Variants in CACNA1H observed in about 807,000 individuals in gnomAD.
The protein encoded by CACNA1H is calcium voltage-gated channel subunit alpha1 H.
In CACNA1H, 149 loss-of-function variants were observed where a neutral mutation model predicts 192.5. That is an observed-to-expected ratio of 0.77 (90% confidence interval 0.68 to 0.89). The LOEUF is 0.89. Ranked by LOEUF, CACNA1H falls within the 40% of genes least tolerant of loss-of-function variation. CACNA1H has a pLI of 0.00. For synonymous variants in CACNA1H, 2,202 were observed against 1,475.2 expected, an observed-to-expected ratio of 1.49 and a Z score of -11.29; for missense variants, 4,257 against 3,423.5, an observed-to-expected ratio of 1.24 and a Z score of -6.08.
chr16:1,205,255 G>A lies in CACNA1H; in HGVS notation c.2593G>A (p.Val865Met), dbSNP rs1305844490. The change falls in exon 11 of 35, where the codon GTG becomes ATG. Residue 865 changes from valine to methionine, a missense_variant. Physicochemically the swap from Val to Met is conservative, Grantham distance 21. Coordinates refer to ENST00000348261, the MANE Select transcript of CACNA1H (RefSeq NM_021098.3). ...NPYNIFDGII[V>M]VISVWEIVGQ... The stretch of plus-strand genomic sequence containing the variant: ...GTACAACATCTTCGACGGCATCATC[G>A]TGGTCATCAGGTGGGTCCCCACCCT... The A allele has an allele frequency of 1.0e-5, 16 of 1,606,886 alleles. No homozygotes were observed. Among genetic ancestry groups the A allele is most frequent in the East Asian group, 6.7e-5 (3 of 44,698 alleles).
In CACNA1H at chr16:1,207,131, G is replaced by T; in HGVS notation, c.2907+13G>T. 1.3e-6 allele frequency: 2 copies of T among 1,572,108 alleles called. No homozygotes were observed. The highest frequency in any genetic ancestry group is 1.7e-6 in the Non-Finnish European group (2 of 1,157,802). On this transcript the variant is annotated intron_variant, in intron 13 of 34. Coordinates refer to ENST00000348261, the MANE Select transcript of CACNA1H (RefSeq NM_021098.3). ...CACCGTGTTCCAGGTAGTGCCCGGG[G>T]TCCCCGCAGCAGTGTTGGGTGCTGA...
chr16:1,198,941 C>T, intron 6 of CACNA1H, 167 bp downstream of exon 6: 2 of 636,642 alleles, frequency 3.1e-6, no homozygotes, highest in Non-Finnish European at 5.4e-6. Context: ...TGTCTCCCGC[C>T]CCCACCCCCC....
At chr16:1,161,426 C>T (rs992729240) in intron 2 of CACNA1H, among the ~76,000 whole-genome samples, 1 of 152,218 alleles carries the variant, frequency 6.6e-6, no homozygotes, top group Non-Finnish European at 1.5e-5. Flanking sequence ...TCTCTGGGCC[C>T]CTCACTGGCC....
At chr16:1,171,873 C>T (rs1487620637) in intron 2 of CACNA1H, among the ~76,000 whole-genome samples, 5 of 152,250 alleles carry the variant, frequency 3.3e-5, no homozygotes, top group Non-Finnish European at 5.9e-5. Context: ...CGCCCACAGA[C>T]GAGAGGGTCA....
At position 1,221,033 on chromosome 16, in the gene CACNA1H, T is replaced by A; in HGVS notation, c.*39T>A. ...GCCGCCCACGGCTTTGGCCCTGGGG[T>A]CTGGGGGCCCCGCTGGGGTGGAGGC... is the stretch of plus-strand genomic sequence containing the variant. On this transcript the variant is annotated 3_prime_UTR_variant, in exon 35 of 35. Transcript: ENST00000348261. 6.7e-7 allele frequency: 1 copy of A among 1,488,476 alleles called. No homozygotes were observed. Among genetic ancestry groups the A allele is most frequent in the Non-Finnish European group, 9.0e-7 (1 of 1,117,116 alleles). 92.2% of individuals were successfully genotyped at this position (1,488,476 alleles called of 1,614,324 possible). A position where few individuals can be genotyped will look rare whatever the true frequency, so the allele number is the denominator to read the frequency against.
intron 5 of CACNA1H, among the ~76,000 whole-genome samples, chr16:1,198,254 G>C (rs534310284): frequency 1.3e-5 from 2 of 149,018 alleles, no homozygotes; most frequent in African/African-American, 4.9e-5. Flanking sequence ...CAGACCTGCC[G>C]CAGCCAGTTC....
At chr16:1,200,199 C>T (rs903063639) in intron 6 of CACNA1H, 57 bp from the exon 7 acceptor site, 8 of 1,432,518 alleles carry the variant, frequency 5.6e-6, no homozygotes, top group South Asian at 1.3e-5. Flanking sequence ...GTGCCCCCGA[C>T]TCTGACCGTC....
intron 30 of CACNA1H, 69 bp downstream of exon 30, chr16:1,215,662 TC>T: frequency 1.7e-6 from 2 of 1,172,830 alleles, no homozygotes; most frequent in Non-Finnish European, 2.5e-6. Context: ...CGCCTCGCCG[TC>T]CCCCTCTCCC....
At chr16:1,210,529 G>A (rs375828167) in intron 19 of CACNA1H, 36 bp downstream of exon 19, 74 of 1,610,478 alleles carry the variant, frequency 4.6e-5, no homozygotes, top group Non-Finnish European at 6.2e-5. Context: ...GGGCCACCAC[G>A]ACCCCCAGGG....
At chr16:1,181,628 G>A (rs1455005913) in intron 2 of CACNA1H, among the ~76,000 whole-genome samples, 1 of 152,228 alleles carries the variant, frequency 6.6e-6, no homozygotes, top group Non-Finnish European at 1.5e-5. Context: ...GAGATAAATA[G>A]GTATATTAGG....
intron 17 of CACNA1H, 56 bp from the exon 18 acceptor site, chr16:1,209,979 A>AT (rs1969228240): frequency 1.5e-6 from 2 of 1,354,728 alleles, no homozygotes; most frequent in African/African-American, 2.9e-5. Flanking sequence ...GAGGGCCCTG[A>AT]TGGGGGGCCG....
chr16:1,173,338 G>A (rs191305399), intron 2 of CACNA1H, among the ~76,000 whole-genome samples: 2 of 152,286 alleles, frequency 1.3e-5, no homozygotes, highest in Admixed American at 6.5e-5. Flanking sequence ...ATGCCCTTCC[G>A]GAGTGTGGGA....
chr16:1,213,678 T>C, intron 26 of CACNA1H, 102 bp from the exon 27 acceptor site: 1 of 875,462 alleles, frequency 1.1e-6, no homozygotes. Context: ...GGCCCCCAAC[T>C]TCTACCCTAC....
intron 4 of CACNA1H, 127 bp from the exon 5 acceptor site, chr16:1,195,799 C>G: frequency 3.3e-6 from 3 of 909,132 alleles, no homozygotes; most frequent in South Asian, 2.7e-5. Flanking sequence ...CCCTTCCTGG[C>G]CAGTACAAGG....
At chr16:1,164,288 A>G (rs1248927445) in intron 2 of CACNA1H, among the ~76,000 whole-genome samples, 4 of 152,184 alleles carry the variant, frequency 2.6e-5, no homozygotes, top group African/African-American at 7.2e-5. Context: ...AGGCCCCAGG[A>G]ATACCCGAAG....
In CACNA1H at chr16:1,220,150, C is replaced by T. The variant is rs1363176822; in HGVS notation, c.6218C>T (p.Thr2073Ile). ...GCCAGCGTCCGCACTCGTAAGCATACCTTCGGACAGCGCTGCGTCTCCAGC... is the reference window on the plus strand; with the variant it reads ...GCCAGCGTCCGCACTCGTAAGCATATCTTCGGACAGCGCTGCGTCTCCAGC... ...RPASVRTRKH[T>I]FGQRCVSSRP... The change falls in exon 35 of 35, where the codon ACC (threonine) becomes ATC (isoleucine). Residue 2073 changes from threonine (T) to isoleucine (I), a missense_variant. Transcript: ENST00000348261. 2.0e-6 allele frequency: 3 copies of T among 1,521,286 alleles called. No individual in the cohort carries two copies. The highest frequency in any genetic ancestry group is 2.6e-6 in the Non-Finnish European group (3 of 1,136,114). 94.2% of individuals were successfully genotyped at this position (1,521,286 alleles called of 1,614,324 possible). A position where few individuals can be genotyped will look rare whatever the true frequency, so the allele number is the denominator to read the frequency against.
chr16:1,219,690 T>G (rs1381906276), intron 34 of CACNA1H, among the ~76,000 whole-genome samples: 4 of 152,202 alleles, frequency 2.6e-5, no homozygotes, highest in Non-Finnish European at 2.9e-5. Context: ...GCTGCTGATG[T>G]CCAGGGGTGG....
At position 1,200,154 on chromosome 16, in the gene CACNA1H, CGTCCCTG is replaced by C. The variant is rs1567506860; in HGVS notation, c.804-101_804-95del. ...AGTCCACTGGCCCTGACCCTGATCACGTCCCTGACCTTGATCACGTCCCTGATCACAA... is the reference window on the plus strand; with the variant it reads ...AGTCCACTGGCCCTGACCCTGATCACACCTTGATCACGTCCCTGATCACAA... On this transcript the variant is annotated intron_variant, in intron 6 of 34. Transcript: ENST00000348261. The C allele has an allele frequency of 5.4e-6, 5 of 925,940 alleles. No individual in the cohort carries two copies. The African/African-American group carries it at 1.3e-4, about 25-fold the overall frequency. 57.4% of individuals were successfully genotyped at this position (925,940 alleles called of 1,614,324 possible). A position where few individuals can be genotyped will look rare whatever the true frequency, so the allele number is the denominator to read the frequency against.
Position 1,211,312 on chromosome 16 carries a change from G to T in CACNA1H, c.4350+18G>T. 9 of 1,612,700 alleles carry T rather than the reference G, an allele frequency of 5.6e-6. No homozygotes were observed. The highest frequency in any genetic ancestry group is 7.6e-6 in the Non-Finnish European group (9 of 1,179,582). On this transcript the variant is annotated intron_variant, in intron 22 of 34. Coordinates refer to ENST00000348261, the MANE Select transcript of CACNA1H (RefSeq NM_021098.3). Reference sequence around the variant, plus strand: ...GTGTGCAGGTGTGTGGCCCCCACGTGCCCGGGGGTCTGCCCCGTCGCAGAC... The same window carrying T: ...GTGTGCAGGTGTGTGGCCCCCACGTTCCCGGGGGTCTGCCCCGTCGCAGAC...
Sources: gnomAD v4.1 joint callset for allele counts (sites outside exome capture counted in the v4.1 genomes callset) on GRCh38, gnomAD v4.1.1 for gene constraint, MANE v1.5 for transcripts, NCBI Gene and HGNC (gene_info 2026-07-23, HGNC 2026-07-21) for gene names.